ANKRD6: variants seen among roughly 807,000 people sequenced by gnomAD.
ANKRD6 encodes the protein ankyrin repeat domain 6.
ANKRD6 carries 56 observed loss-of-function variants against 82.3 expected under a neutral mutation model. The ratio of observed to expected loss-of-function variants is 0.68; its 90% confidence interval spans 0.55 to 0.85. The LOEUF (loss-of-function observed/expected upper bound fraction) is 0.85, where lower values mean the gene tolerates loss of function less well. Ranked by LOEUF, ANKRD6 falls within the 40% of genes least tolerant of loss-of-function variation. The pLI, the probability that ANKRD6 is intolerant of heterozygous loss-of-function variation, is 0.00. For missense variants in ANKRD6, 852 were observed against 907.6 expected, an observed-to-expected ratio of 0.94 and a Z score of 0.79; for synonymous variants, 347 against 352.1, an observed-to-expected ratio of 0.99 and a Z score of 0.16.
intron 1 of ANKRD6, among the ~76,000 whole-genome samples, chr6:89,559,648 CAG>C (rs1376105342): frequency 5.9e-5 from 9 of 152,276 alleles, no homozygotes; most frequent in Admixed American, 2.6e-4. Flanking sequence ...CTTTACCTAA[CAG>C]GGGTTGAGGG....
chr6:89,497,995 C>T (rs1197785484), intron 1 of ANKRD6, among the ~76,000 whole-genome samples: 2 of 152,096 alleles, frequency 1.3e-5, no homozygotes, highest in Non-Finnish European at 2.9e-5. Context: ...TTTCTGGCTA[C>T]TTTCATTGCG....
At chr6:89,556,576 TTAGA>T (rs1786632353) in intron 1 of ANKRD6, among the ~76,000 whole-genome samples, 1 of 152,198 alleles carries the variant, frequency 6.6e-6, no homozygotes, top group Admixed American at 6.5e-5. Flanking sequence ...ATTTCTAAGT[TTAGA>T]TAATCACAGA....
At chr6:89,476,004 A>C (rs1246426139) in intron 1 of ANKRD6, among the ~76,000 whole-genome samples, 1 of 152,202 alleles carries the variant, frequency 6.6e-6, no homozygotes, top group Non-Finnish European at 1.5e-5. Context: ...ATCTTTAGCA[A>C]AGAACATTTT....
At chr6:89,505,352 G>A (rs139808069) in intron 1 of ANKRD6, among the ~76,000 whole-genome samples, 129 of 152,268 alleles carry the variant, frequency 8.5e-4, no homozygotes, top group African/African-American at 2.8e-3. Flanking sequence ...AATAAGTAAG[G>A]GATCAGCATA....
chr6:89,528,003 G>A (rs1362695491), intron 1 of ANKRD6, among the ~76,000 whole-genome samples: 2 of 152,102 alleles, frequency 1.3e-5, no homozygotes, highest in South Asian at 2.1e-4. Flanking sequence ...TAGTAACAAG[G>A]TCTCACTATG....
intron 1 of ANKRD6, among the ~76,000 whole-genome samples, chr6:89,530,678 C>G (rs1036907229): frequency 6.6e-6 from 1 of 152,128 alleles, no homozygotes; most frequent in Non-Finnish European, 1.5e-5. Flanking sequence ...CCAGTCAGGG[C>G]CAGCAGGAAG....
chr6:89,606,715 G>T (rs1414687979), intron 5 of ANKRD6, among the ~76,000 whole-genome samples: 3 of 151,992 alleles, frequency 2.0e-5, no homozygotes, highest in Non-Finnish European at 4.4e-5. Context: ...AATTATCCGG[G>T]AATGGTGGCT....
intron 1 of ANKRD6, among the ~76,000 whole-genome samples, chr6:89,550,335 A>C (rs1785662045): frequency 6.6e-6 from 1 of 152,214 alleles, no homozygotes; most frequent in African/African-American, 2.4e-5. Flanking sequence ...TAGTCACATA[A>C]TAGAACTCTA....
At chr6:89,522,335 G>GT (rs751028861) in intron 1 of ANKRD6, among the ~76,000 whole-genome samples, 2 of 152,200 alleles carry the variant, frequency 1.3e-5, no homozygotes, top group Non-Finnish European at 2.9e-5. Flanking sequence ...GCTGGGGCTT[G>GT]TGAGATGCTT....
intron 1 of ANKRD6, among the ~76,000 whole-genome samples, chr6:89,475,261 C>T (rs1482125539): frequency 3.9e-5 from 6 of 152,134 alleles, no homozygotes; most frequent in African/African-American, 7.2e-5. Flanking sequence ...AAATCTGGAC[C>T]TTTCTTACTT....
intron 2 of ANKRD6, among the ~76,000 whole-genome samples, chr6:89,593,274 A>C (rs1795246782): frequency 6.6e-6 from 1 of 152,210 alleles, no homozygotes; most frequent in Non-Finnish European, 1.5e-5. Flanking sequence ...AACTTTGTGA[A>C]GGGCACATAC....
intron 1 of ANKRD6, among the ~76,000 whole-genome samples, chr6:89,471,053 G>A (rs1486814296): frequency 4.6e-5 from 7 of 152,022 alleles, no homozygotes; most frequent in Non-Finnish European, 7.4e-5. Context: ...GTGTGTGCAC[G>A]TGCACACACT....
At chr6:89,517,941 CA>C (rs1293146441) in intron 1 of ANKRD6, among the ~76,000 whole-genome samples, 1 of 152,208 alleles carries the variant, frequency 6.6e-6, no homozygotes, top group Non-Finnish European at 1.5e-5. Flanking sequence ...CCCTTGAGAG[CA>C]AAGTCAATGT....
At chr6:89,563,772 A>G (rs1369570345) in intron 1 of ANKRD6, among the ~76,000 whole-genome samples, 1 of 151,888 alleles carries the variant, frequency 6.6e-6, no homozygotes, top group African/African-American at 2.4e-5. Context: ...AGGTCAGGGC[A>G]TCAGATGAGA....
Position 89,433,563 on chromosome 6 carries a change from C to CGCGAGGGGGTCCCCCCGGG in ANKRD6, c.-144+192_-144+210dup, listed in dbSNP as rs1388565169. Among the ~76,000 whole-genome samples, 1 of 152,208 alleles carries CGCGAGGGGGTCCCCCCGGG rather than the reference C, an allele frequency of 6.6e-6. No individual in the cohort carries two copies. The highest frequency in any genetic ancestry group is 2.4e-5 in the African/African-American group (1 of 41,458). On this transcript the variant is annotated intron_variant, in intron 1 of 15. Transcript: ENST00000339746. The surrounding 1 kb of genome is among the most constrained non-coding windows in gnomAD (Gnocchi z 4.3). ...GCCTGCGGCCTCCGAAAACGCCCGG[C>CGCGAGGGGGTCCCCCCGGG]GCGAGGGGGTCCCCCCGGGGCGCCT...
At chr6:89,517,166 G>A (rs1464533630) in intron 1 of ANKRD6, among the ~76,000 whole-genome samples, 1 of 152,210 alleles carries the variant, frequency 6.6e-6, no homozygotes, top group Non-Finnish European at 1.5e-5. Flanking sequence ...CACCACGCCT[G>A]GCCAGATTGC....
At chr6:89,479,586 T>C (rs1322027115) in intron 1 of ANKRD6, among the ~76,000 whole-genome samples, 1 of 149,676 alleles carries the variant, frequency 6.7e-6, no homozygotes, top group Non-Finnish European at 1.5e-5. Flanking sequence ...AATTATTTCT[T>C]TTTTTATTTT....
At chr6:89,490,269 G>A (rs998521092) in intron 1 of ANKRD6, among the ~76,000 whole-genome samples, 45 of 152,136 alleles carry the variant, frequency 3.0e-4, no homozygotes, top group African/African-American at 1.0e-3. Context: ...CCCATTACTG[G>A]GTCTTCAAAT....
At chr6:89,449,029 C>CAAAAAAAAAAAAA (rs368751340) in intron 1 of ANKRD6, among the ~76,000 whole-genome samples, 1 of 52,424 alleles carries the variant, frequency 1.9e-5, no homozygotes, top group Non-Finnish European at 4.2e-5. Flanking sequence ...GACTCCGTCT[C>CAAAAAAAAAAAAA]AAAAAAAAAA....
Sources: allele counts gnomAD v4.1 joint callset (sites outside exome capture counted in the v4.1 genomes callset), GRCh38; gene constraint gnomAD v4.1.1; non-coding constraint Gnocchi (gnomAD v3.1); transcripts MANE v1.5; gene names NCBI Gene and HGNC (gene_info 2026-07-23, HGNC 2026-07-21).